The following INSYN2B variants were observed in gnomAD, a reference collection of about 807,000 sequenced individuals.
INSYN2B encodes protein INSYN2B.
In INSYN2B, 16 loss-of-function variants were observed where a neutral mutation model predicts 41.2. The observed-to-expected ratio is 0.39, with a 90% CI of 0.26 to 0.59. The LOEUF (loss-of-function observed/expected upper bound fraction) is 0.59, where lower values mean the gene tolerates loss of function less well. Among genes scored for constraint, INSYN2B ranks in the 20% least tolerant of loss-of-function variants. The pLI is 0.57. For missense variants in INSYN2B, 608 were observed against 646.4 expected, an observed-to-expected ratio of 0.94 and a Z score of 0.64; for synonymous variants, 245 against 244.4, an observed-to-expected ratio of 1.00 and a Z score of -0.02.
chr5:169,900,443 G>A (rs1773857665), intron 1 of INSYN2B, among the ~76,000 whole-genome samples: 2 of 152,198 alleles, frequency 1.3e-5, no homozygotes, highest in Admixed American at 1.3e-4. Context: ...GCGAGATAGT[G>A]GCAAATGTCA....
At chr5:169,874,362 G>A (rs548073701) in intron 3 of INSYN2B, among the ~76,000 whole-genome samples, 10 of 141,508 alleles carry the variant, frequency 7.1e-5, no homozygotes, top group African/African-American at 2.6e-4. Context: ...GCAGTGAGCC[G>A]AGATTGTGCA....
At chr5:169,872,080 A>C (rs1220112782) in intron 3 of INSYN2B, among the ~76,000 whole-genome samples, 2 of 152,194 alleles carry the variant, frequency 1.3e-5, no homozygotes, top group Non-Finnish European at 2.9e-5. Context: ...AAGTTGGCCG[A>C]GAAGTGAATG....
intron 1 of INSYN2B, among the ~76,000 whole-genome samples, chr5:169,888,946 C>T (rs1025730667): frequency 1.3e-5 from 2 of 152,130 alleles, no homozygotes; most frequent in Admixed American, 6.5e-5. Flanking sequence ...ATCTCCCTGC[C>T]GTCTCTGTAC....
In INSYN2B at chr5:169,867,516, TATCTATC is replaced by T. The variant is rs577817846; in HGVS notation, c.1422-3064_1422-3058del. On this transcript the variant is annotated intron_variant, in intron 3 of 3. Transcript: ENST00000377365. ...ATCTATCATCTATTATCTATTTATC[TATCTATC>T]ATCTATCATCTATCATGTATCTATC... Among the ~76,000 whole-genome samples, 421 of 151,746 alleles carry T rather than the reference TATCTATC, an allele frequency of 2.8e-3. 1 individual carries two copies. Among genetic ancestry groups the T allele is most frequent in the Non-Finnish European group, 3.9e-3 (262 of 67,870 alleles).
rs199958998 is a variant in INSYN2B at position 169,864,316 on chromosome 5, C to T, written c.1565G>A (p.Arg522Gln). 1.8e-5 allele frequency: 28 copies of T among 1,551,492 alleles called. No individual in the cohort carries two copies. Among genetic ancestry groups the T allele is most frequent in the Middle Eastern group, 1.7e-4 (1 of 6,014 alleles). ...PPAPEKQDLR[R>Q]KTKKVKKKCF... ...TTTCTTTTTCACCTTCTTGGTTTTCCGCCTTAAGTCCTGCTTTTCCGGGGC... is the reference window on the plus strand; with the variant it reads ...TTTCTTTTTCACCTTCTTGGTTTTCTGCCTTAAGTCCTGCTTTTCCGGGGC... The change falls in exon 4 of 4, where the codon CGG becomes CAG. Residue 522 changes from arginine to glutamine, a missense_variant. Transcript: ENST00000377365.
intron 3 of INSYN2B, among the ~76,000 whole-genome samples, chr5:169,871,852 C>G (rs1771999423): frequency 6.6e-6 from 1 of 152,144 alleles, no homozygotes; most frequent in African/African-American, 2.4e-5. Context: ...TTCTCAATTT[C>G]AGGGCAGCCT....
chr5:169,922,607 C>T (rs896482478), intron 1 of INSYN2B, among the ~76,000 whole-genome samples: 1 of 152,196 alleles, frequency 6.6e-6, no homozygotes, highest in East Asian at 1.9e-4. Flanking sequence ...CCTACATTAT[C>T]TTTCTAAGCT....
intron 1 of INSYN2B, among the ~76,000 whole-genome samples, chr5:169,941,257 G>A (rs529539177): frequency 6.6e-6 from 1 of 152,302 alleles, no homozygotes; most frequent in Admixed American, 6.5e-5. Context: ...TGCCCAGGCT[G>A]GAATGCAATG....
At chr5:169,896,367 G>A (rs1254135090) in intron 1 of INSYN2B, among the ~76,000 whole-genome samples, 3 of 152,160 alleles carry the variant, frequency 2.0e-5, no homozygotes, top group African/African-American at 7.2e-5. Context: ...ACAAGAGCTT[G>A]CATTCTGAAA....
At chr5:169,926,394 A>G (rs1775458102) in intron 1 of INSYN2B, among the ~76,000 whole-genome samples, 1 of 152,222 alleles carries the variant, frequency 6.6e-6, no homozygotes, top group Non-Finnish European at 1.5e-5. Flanking sequence ...TGCCATATAC[A>G]TGCTGGCATT....
At chr5:169,891,343 T>G (rs561933965) in intron 1 of INSYN2B, among the ~76,000 whole-genome samples, 2 of 152,188 alleles carry the variant, frequency 1.3e-5, no homozygotes, top group African/African-American at 4.8e-5. Context: ...TTGAAGAACT[T>G]TAGTATTTGT....
intron 3 of INSYN2B, chr5:169,875,135 A>G (rs1459068380): frequency 2.2e-6 from 1 of 450,176 alleles, no homozygotes; most frequent in East Asian, 7.0e-5. Flanking sequence ...GGTTGTCACA[A>G]AACTTTCTAG....
At chr5:169,947,602 T>C (rs1019704763) in intron 1 of INSYN2B, among the ~76,000 whole-genome samples, 1 of 152,234 alleles carries the variant, frequency 6.6e-6, no homozygotes, top group Non-Finnish European at 1.5e-5. Flanking sequence ...CTGATGCTTT[T>C]TTGTCTCATT....
chr5:169,938,412 A>G (rs1217235289), intron 1 of INSYN2B, among the ~76,000 whole-genome samples: 1 of 152,222 alleles, frequency 6.6e-6, no homozygotes, highest in Non-Finnish European at 1.5e-5. Context: ...TACCTAGGCT[A>G]TAAGGTAGAG....
At chr5:169,869,640 C>T (rs567903212) in intron 3 of INSYN2B, among the ~76,000 whole-genome samples, 1 of 152,296 alleles carries the variant, frequency 6.6e-6, no homozygotes, top group East Asian at 1.9e-4. Context: ...TGCATTTCTA[C>T]TTCTTACTTA....
Position 169,861,311 on chromosome 5 carries a change from A to G in INSYN2B, c.*2962T>C, listed in dbSNP as rs1771182392. 6.6e-6 allele frequency among the ~76,000 whole-genome samples: 1 copy of G among 152,270 alleles called. No homozygotes were observed. The highest frequency in any genetic ancestry group is 2.1e-4 in the South Asian group (1 of 4,838). ...AGTAATGGAGTCTTAAAACCTAGAAAAAATATGTAAGTTTATTGCAAAAGA... is the reference window on the plus strand; with the variant it reads ...AGTAATGGAGTCTTAAAACCTAGAAGAAATATGTAAGTTTATTGCAAAAGA... On this transcript the variant is annotated 3_prime_UTR_variant, in exon 4 of 4. Coordinates refer to ENST00000377365, the MANE Select transcript of INSYN2B (RefSeq NM_001129891.3).
At chr5:169,888,617 C>T (rs2113529552) in intron 1 of INSYN2B, among the ~76,000 whole-genome samples, 1 of 152,266 alleles carries the variant, frequency 6.6e-6, no homozygotes, top group South Asian at 2.1e-4. Context: ...ATCTTTAGGC[C>T]ATACAGTGAG....
intron 1 of INSYN2B, among the ~76,000 whole-genome samples, chr5:169,978,390 TG>T (rs1253466480): frequency 0.026 from 425 of 16,576 alleles, 21 homozygotes; most frequent in African/African-American, 0.078. Context: ...TGTGTGTGTG[TG>T]TGGGGGGGGG....
intron 1 of INSYN2B, among the ~76,000 whole-genome samples, chr5:169,963,118 T>C (rs1777158175): frequency 6.6e-6 from 1 of 152,216 alleles, no homozygotes; most frequent in South Asian, 2.1e-4. Flanking sequence ...AACTACACCT[T>C]CTACCCCTCT....
Sources: gnomAD v4.1 joint callset for allele counts (sites outside exome capture counted in the v4.1 genomes callset) on GRCh38, gnomAD v4.1.1 for gene constraint, MANE v1.5 for transcripts, NCBI Gene and HGNC (gene_info 2026-07-23, HGNC 2026-07-21) for gene names.